HERC1: variants seen among roughly 807,000 people sequenced by gnomAD.
HERC1 encodes the protein probable E3 ubiquitin-protein ligase HERC1.
Under a neutral mutation model 554.3 loss-of-function variants are expected in HERC1, and 160 were observed. That is an observed-to-expected ratio of 0.29 (90% CI 0.25 to 0.33). HERC1 has a LOEUF of 0.33. Ranked by LOEUF, HERC1 falls within the 10% of genes least tolerant of loss-of-function variation. The probability of loss-of-function intolerance (pLI) is 1.00; values close to 1 mark genes in which losing one functional copy is unlikely to be tolerated. For synonymous variants in HERC1, 2,175 were observed against 2,131.7 expected (o/e 1.02, Z -0.56); for missense variants, 4,919 against 5,918.5 (o/e 0.83, Z 5.54).
At chr15:63,654,362 T>C (rs759828467) in intron 50 of HERC1, 38 bp from the exon 51 acceptor site, 17 of 1,515,030 alleles carry the variant, frequency 1.1e-5, no homozygotes, top group African/African-American at 8.2e-5. Flanking sequence ...GGGCATACAA[T>C]TGGGCAATTA....
rs1228332525 is a variant in HERC1 at position 63,674,237 on chromosome 15, A to AT, written c.7846+104dup. On this transcript the variant is annotated intron_variant, in intron 38 of 77. Transcript: ENST00000443617. ...GAAAATTGCTTTGACCAAAAAAAAA[A>AT]TTTTTTTTTTTTTACAAATCACTTA... The AT allele has an allele frequency of 0.042, 28,018 of 665,518 alleles. 19 individuals carry two copies. The highest frequency in any genetic ancestry group is 0.065 in the East Asian group (1,429 of 21,918). The allele number at this position is 665,518 out of a possible 1,614,324, so 41.2% of individuals were successfully genotyped here.
rs1276114280 is a variant in HERC1, at chr15:63,718,244, T to C, written c.3978+330A>G. On this transcript the variant is annotated intron_variant, in intron 21 of 77. Transcript: ENST00000443617. This position sits in a 1 kb window ranked among gnomAD's most constrained non-coding sequence, Gnocchi z 4.2. ...ATTGCTTAATGTCCCTCATAAATTA[T>C]GGCACCCCAAATTAAACAGGATAAT... 3.9e-5 allele frequency among the ~76,000 whole-genome samples: 6 copies of C among 152,194 alleles called. No individual in the cohort carries two copies. Among genetic ancestry groups the C allele is most frequent in the Non-Finnish European group, 4.4e-5 (3 of 68,036 alleles).
chr15:63,663,650 G>C (rs1334498617), intron 43 of HERC1, among the ~76,000 whole-genome samples: 1 of 152,050 alleles, frequency 6.6e-6, no homozygotes, highest in African/African-American at 2.4e-5. Flanking sequence ...GTAAAGACAG[G>C]GTCTTGCTAT....
intron 1 of HERC1, among the ~76,000 whole-genome samples, chr15:63,792,927 C>G (rs777796695): frequency 6.6e-6 from 1 of 152,232 alleles, no homozygotes; most frequent in Admixed American, 6.5e-5. Flanking sequence ...AGGGTTCCCA[C>G]ACCGCACTCC....
chr15:63,725,273 C>T lies in HERC1; in HGVS notation c.3568+19G>A. 1 of 1,602,578 alleles carries T rather than the reference C, an allele frequency of 6.2e-7. No individual in the cohort carries two copies. The highest frequency in any genetic ancestry group is 8.5e-7 in the Non-Finnish European group (1 of 1,170,938). ...TACAAACAGGCATGTATTTTAAATG[C>T]TGCAGAGAAGCACATTACCCAATTG... On this transcript the variant is annotated intron_variant, in intron 18 of 77. Transcript: ENST00000443617.
At chr15:63,649,700 G>A (rs780258447) in intron 54 of HERC1, 25 bp downstream of exon 54, 2 of 1,587,202 alleles carry the variant, frequency 1.3e-6, no homozygotes, top group African/African-American at 2.7e-5. Context: ...GACTCCGTCA[G>A]CTAGACGTAA....
At chr15:63,743,988 C>T (rs2074932726) in intron 12 of HERC1, among the ~76,000 whole-genome samples, 2 of 152,140 alleles carry the variant, frequency 1.3e-5, no homozygotes, top group Admixed American at 1.3e-4. Context: ...ACTGTATCTA[C>T]GTTGTGGTTC....
intron 74 of HERC1, among the ~76,000 whole-genome samples, chr15:63,620,903 G>C (rs542106723): frequency 9.3e-4 from 142 of 152,170 alleles, no homozygotes; most frequent in Non-Finnish European, 1.7e-3. Flanking sequence ...ATGTGAGATG[G>C]GTTTCCTGAA....
At chr15:63,826,705 C>G (rs1321821084) in intron 1 of HERC1, among the ~76,000 whole-genome samples, 2 of 143,420 alleles carry the variant, frequency 1.4e-5, no homozygotes, top group African/African-American at 5.1e-5. Flanking sequence ...CTATAAGAAC[C>G]AACCATCTGC....
In HERC1 at chr15:63,726,016, C is replaced by T. The variant is rs545920266; in HGVS notation, c.3347-503G>A. Among the ~76,000 whole-genome samples the T allele has an allele frequency of 1.1e-4, 17 of 152,240 alleles. No individual in the cohort carries two copies. In the South Asian group the frequency reaches 1.2e-3, roughly 11 times the overall value. ...GGAGGGGAGCAGACAGAGTCTCGTT[C>T]TGTCACTCAGGCTGGAGTGCAGTGG... On this transcript the variant is annotated intron_variant, in intron 17 of 77. Transcript: ENST00000443617.
intron 8 of HERC1, chr15:63,752,485 G>A (rs1207752630): frequency 1.3e-5 from 2 of 152,648 alleles, no homozygotes; most frequent in African/African-American, 4.8e-5. Flanking sequence ...CCTTTATAAA[G>A]GCTCATAAAA....
At chr15:63,743,834 A>G (rs2074925930) in intron 12 of HERC1, among the ~76,000 whole-genome samples, 1 of 152,082 alleles carries the variant, frequency 6.6e-6, no homozygotes, top group African/African-American at 2.4e-5. Context: ...TCTTTGGTTC[A>G]TTTGGTTAGG....
intron 24 of HERC1, among the ~76,000 whole-genome samples, chr15:63,708,003 A>G (rs2073106823): frequency 6.6e-6 from 1 of 151,472 alleles, no homozygotes; most frequent in African/African-American, 2.4e-5. Context: ...TAAAATCTTT[A>G]CCTGGTCATA....
intron 77 of HERC1, among the ~76,000 whole-genome samples, chr15:63,611,836 T>C (rs1485700200): frequency 1.3e-5 from 2 of 152,242 alleles, no homozygotes; most frequent in African/African-American, 4.8e-5. Flanking sequence ...TTAATAAGCA[T>C]GAATCGGCAG....
rs534408583 is a variant in HERC1 at position 63,663,486 on chromosome 15, G to C, written c.8681-282C>G. 3.9e-5 allele frequency among the ~76,000 whole-genome samples: 6 copies of C among 152,284 alleles called. No individual in the cohort carries two copies. In the South Asian group the frequency reaches 1.2e-3, roughly 32 times the overall value. ...GTTGCTGTTTTTAGAGACAGGATCTGGATCTGTCACTCAAGCTGGAGTGCA... is the reference window on the plus strand; with the variant it reads ...GTTGCTGTTTTTAGAGACAGGATCTCGATCTGTCACTCAAGCTGGAGTGCA... On this transcript the variant is annotated intron_variant, in intron 43 of 77. Coordinates refer to ENST00000443617, the MANE Select transcript of HERC1 (RefSeq NM_003922.4).
rs895757096 is a variant in HERC1, at chr15:63,758,867, T to G, written c.1027-498A>C. Among the ~76,000 whole-genome samples, 5 of 152,018 alleles carry G rather than the reference T, an allele frequency of 3.3e-5. No homozygotes were observed. The highest frequency in any genetic ancestry group is 5.9e-5 in the Non-Finnish European group (4 of 68,006). On this transcript the variant is annotated intron_variant, in intron 3 of 77. Coordinates refer to ENST00000443617, the MANE Select transcript of HERC1 (RefSeq NM_003922.4). The surrounding 1 kb of genome is among the most constrained non-coding windows in gnomAD (Gnocchi z 4.0). The stretch of plus-strand genomic sequence containing the variant: ...ATAATATTCCATCTAGTAAAAAACA[T>G]CACAATGTACTCAACCACTTCCCCA...
chr15:63,826,637 A>G (rs1414006638), intron 1 of HERC1, among the ~76,000 whole-genome samples: 1 of 151,548 alleles, frequency 6.6e-6, no homozygotes, highest in Non-Finnish European at 1.5e-5. Flanking sequence ...CTTTACCTGC[A>G]CATAATAAGC....
At chr15:63,675,258 C>T in intron 37 of HERC1, 141 bp from the exon 38 acceptor site, 1 of 636,322 alleles carries the variant, frequency 1.6e-6, no homozygotes, top group East Asian at 2.9e-5. Flanking sequence ...GAAATCATTA[C>T]AAACACAGAG....
intron 1 of HERC1, among the ~76,000 whole-genome samples, chr15:63,829,063 A>C (rs1237390873): frequency 6.6e-6 from 1 of 152,178 alleles, no homozygotes; most frequent in Non-Finnish European, 1.5e-5. Flanking sequence ...GGAGAAGGTT[A>C]GAATGAACTT....
Sources: gnomAD v4.1 joint callset for allele counts (sites outside exome capture counted in the v4.1 genomes callset) on GRCh38, gnomAD v4.1.1 for gene constraint, Gnocchi (gnomAD v3.1) non-coding constraint, MANE v1.5 for transcripts, NCBI Gene and HGNC (gene_info 2026-07-23, HGNC 2026-07-21) for gene names.